ZSCAN5A: variants seen among roughly 807,000 people sequenced by gnomAD.
ZSCAN5A encodes the protein zinc finger and SCAN domain containing 5A, also known as zinc finger and SCAN domain-containing protein 5A.
Under a neutral mutation model 23.7 loss-of-function variants are expected in ZSCAN5A, and 12 were observed. The ratio of observed to expected loss-of-function variants is 0.51; its 90% CI spans 0.32 to 0.82. The LOEUF (loss-of-function observed/expected upper bound fraction) is 0.82, where lower values mean the gene tolerates loss of function less well. Among genes scored for constraint, ZSCAN5A ranks in the 40% least tolerant of loss-of-function variants. The pLI, the probability that ZSCAN5A is intolerant of heterozygous loss-of-function variation, is 0.03. For missense variants in ZSCAN5A, 597 were observed against 617.9 expected (o/e 0.97, Z 0.36); for synonymous variants, 257 against 239.9 (o/e 1.07, Z -0.66).
At chr19:56,307,300 T>G (rs2040754024) in intron 2 of ZSCAN5A, among the ~76,000 whole-genome samples, 1 of 152,162 alleles carries the variant, frequency 6.6e-6, no homozygotes, top group Non-Finnish European at 1.5e-5. Context: ...TCATACGATA[T>G]ACCCCCACCC....
chr19:56,245,355 G>A lies in ZSCAN5A; in HGVS notation c.-127-20182C>T, dbSNP rs147977582. ...CGGGCCTCCTCTGTGAATGAGATGC[G>A]TCCGGGGGAAGGCCAGGCCAGCCAA... On this transcript the variant is annotated intron_variant, in intron 2 of 5. Coordinates refer to ENST00000683990, the MANE Select transcript of ZSCAN5A (RefSeq NM_001322064.3). 2.6e-4 allele frequency: 194 copies of A among 752,176 alleles called. 1 individual carries two copies. The African/African-American group carries it at 2.6e-3, about 10-fold the overall frequency. 46.6% of individuals were successfully genotyped at this position (752,176 alleles called of 1,614,324 possible). A position where few individuals can be genotyped will look rare whatever the true frequency, so the allele number is the denominator to read the frequency against.
At chr19:56,273,675 G>A (rs1473079969) in intron 2 of ZSCAN5A, among the ~76,000 whole-genome samples, 2 of 152,098 alleles carry the variant, frequency 1.3e-5, no homozygotes, top group Non-Finnish European at 2.9e-5. Context: ...GAGAGAGGCC[G>A]GTGTGTCAGG....
chr19:56,260,975 A>C (rs2037084181), intron 2 of ZSCAN5A, among the ~76,000 whole-genome samples: 1 of 152,130 alleles, frequency 6.6e-6, no homozygotes, highest in South Asian at 2.1e-4. Flanking sequence ...TGGGAGGCCG[A>C]GGCGGGTGGA....
intron 2 of ZSCAN5A, among the ~76,000 whole-genome samples, chr19:56,349,561 C>A (rs771519380): frequency 1.3e-5 from 2 of 151,750 alleles, no homozygotes; most frequent in Non-Finnish European, 2.9e-5. Context: ...TCAAATTAGC[C>A]GGGTGCAGTG....
In ZSCAN5A at chr19:56,368,207, A is replaced by G. The variant is rs2041787601; in HGVS notation, c.-522+2T>C. On this transcript the variant is annotated splice_donor_variant, in intron 1 of 6. Transcript: ENST00000587340. LOFTEE classifies it low-confidence loss of function (5UTR_SPLICE). ...CTACGGGGCGTCAATACGCACGCGT[A>G]CTTTGTGTCCCAGGTAGCTCGTCTC... 1 of 152,418 alleles carries G rather than the reference A, an allele frequency of 6.6e-6. No individual in the cohort carries two copies. Among genetic ancestry groups the G allele is most frequent in the Non-Finnish European group, 1.5e-5 (1 of 68,166 alleles). The allele number at this position is 152,418 out of a possible 1,614,324, so 9.4% of individuals were successfully genotyped here.
intron 2 of ZSCAN5A, among the ~76,000 whole-genome samples, chr19:56,344,944 AG>A (rs2041622046): frequency 6.7e-6 from 1 of 148,202 alleles, no homozygotes; most frequent in African/African-American, 2.5e-5. Flanking sequence ...AAGAAAAAAA[AG>A]ATACAAAAAA....
chr19:56,222,899 ACATCAC>A (rs1204613869), intron 4 of ZSCAN5A, among the ~76,000 whole-genome samples, 158 bp from the exon 5 acceptor site: 1 of 152,024 alleles, frequency 6.6e-6, no homozygotes, highest in Non-Finnish European at 1.5e-5. Flanking sequence ...CCCCACGTAA[ACATCAC>A]CATCTCATTT....
At chr19:56,283,050 C>T (rs917459008) in intron 2 of ZSCAN5A, 2 of 152,158 alleles carry the variant, frequency 1.3e-5, no homozygotes, top group African/African-American at 4.8e-5. Flanking sequence ...GCATTCGGAG[C>T]CTAATTCTGC....
chr19:56,288,266 C>T (rs1014704774), intron 2 of ZSCAN5A, among the ~76,000 whole-genome samples: 5 of 152,180 alleles, frequency 3.3e-5, no homozygotes, highest in African/African-American at 7.2e-5. Context: ...TTCAAGCCCC[C>T]GGCAGCTGCA....
chr19:56,336,142 T>C (rs371063525), intron 2 of ZSCAN5A, among the ~76,000 whole-genome samples: 6,623 of 152,170 alleles, frequency 0.044, 101 homozygotes, highest in South Asian at 0.11. Flanking sequence ...CCTTGCTAGA[T>C]TGGGGAAGTT....
At chr19:56,222,790 A>G (rs1156233022) in intron 4 of ZSCAN5A, 49 bp from the exon 5 acceptor site, 2 of 1,613,026 alleles carry the variant, frequency 1.2e-6, no homozygotes, top group African/African-American at 1.3e-5. Context: ...AAACTGGTGG[A>G]AGCAGGGACA....
chr19:56,320,636 T>A (rs1480679006), intron 2 of ZSCAN5A: 1 of 715,932 alleles, frequency 1.4e-6, no homozygotes, highest in Admixed American at 1.8e-5. Flanking sequence ...ATAATAATAA[T>A]AAGCCAGGCG....
At chr19:56,309,821 G>C (rs2040921826) in intron 2 of ZSCAN5A, among the ~76,000 whole-genome samples, 1 of 152,180 alleles carries the variant, frequency 6.6e-6, no homozygotes, top group Non-Finnish European at 1.5e-5. Flanking sequence ...CTTCCCACTG[G>C]CTGGTTTCTA....
rs777505765 is a variant in ZSCAN5A at position 56,221,528 on chromosome 19, A to AT, written c.*46dup. 1 of 1,526,078 alleles carries AT rather than the reference A, an allele frequency of 6.6e-7. No homozygotes were observed. Among genetic ancestry groups the AT allele is most frequent in the Non-Finnish European group, 8.8e-7 (1 of 1,138,966 alleles). The allele number at this position is 1,526,078 out of a possible 1,614,324, so 94.5% of individuals were successfully genotyped here. On this transcript the variant is annotated 3_prime_UTR_variant, in exon 6 of 6. Transcript: ENST00000683990. ...TCATCTGATAACATTGATGAAAAAT[A>AT]TCATTCACTTCTTCTTGGTGCAGAA...
chr19:56,232,656 T>C (rs1025075970), intron 2 of ZSCAN5A, among the ~76,000 whole-genome samples: 1 of 152,070 alleles, frequency 6.6e-6, no homozygotes, highest in Non-Finnish European at 1.5e-5. Context: ...CCCCTTCCCC[T>C]ATATAGGCTA....
At chr19:56,343,024 G>C in intron 2 of ZSCAN5A, 1 of 818,322 alleles carries the variant, frequency 1.2e-6, no homozygotes, top group Non-Finnish European at 2.2e-6. Flanking sequence ...ACTTATCCAA[G>C]TCTTCTTTCC....
intron 2 of ZSCAN5A, among the ~76,000 whole-genome samples, chr19:56,262,722 G>A (rs903985121): frequency 1.3e-5 from 2 of 152,252 alleles, no homozygotes; most frequent in East Asian, 3.9e-4. Context: ...ATGAGCCACT[G>A]CGCCCGGCCC....
At chr19:56,330,155 C>T (rs1271761353) in intron 2 of ZSCAN5A, among the ~76,000 whole-genome samples, 2 of 152,202 alleles carry the variant, frequency 1.3e-5, no homozygotes, top group African/African-American at 2.4e-5. Flanking sequence ...CACTGCAAAG[C>T]ACAAGATTTT....
intron 2 of ZSCAN5A, among the ~76,000 whole-genome samples, chr19:56,247,703 T>A (rs955981466): frequency 2.0e-5 from 3 of 152,198 alleles, no homozygotes; most frequent in Non-Finnish European, 4.4e-5. Context: ...CTTTTATTAT[T>A]TTTTTTGAGA....
Sources: gnomAD v4.1 joint callset for allele counts (sites outside exome capture counted in the v4.1 genomes callset) on GRCh38, gnomAD v4.1.1 for gene constraint, MANE v1.5 for transcripts, NCBI Gene and HGNC (gene_info 2026-07-23, HGNC 2026-07-21) for gene names.